Variants in OPCML observed in about 807,000 individuals in gnomAD.
OPCML encodes the protein opioid-binding protein/cell adhesion molecule.
In OPCML, 13 loss-of-function variants were observed where a neutral mutation model predicts 37.8. The ratio of observed to expected loss-of-function variants is 0.34; its 90% CI spans 0.22 to 0.55. The LOEUF is 0.55. Among genes scored for constraint, OPCML ranks in the 20% least tolerant of loss-of-function variants. The pLI is 0.91. For missense variants in OPCML, 341 were observed against 435.6 expected (o/e 0.78, Z 1.93); for synonymous variants, 176 against 168.8 (o/e 1.04, Z -0.33).
rs1214126772 is a variant in OPCML, at chr11:132,943,616, C to G, written c.62-606G>C. 2 of 154,326 alleles carry G rather than the reference C, an allele frequency of 1.3e-5. No homozygotes were observed. The highest frequency in any genetic ancestry group is 4.8e-5 in the African/African-American group (2 of 41,486). 9.6% of individuals were successfully genotyped at this position (154,326 alleles called of 1,614,324 possible). A position where few individuals can be genotyped will look rare whatever the true frequency, so the allele number is the denominator to read the frequency against. On this transcript the variant is annotated intron_variant, in intron 1 of 7. Transcript: ENST00000524381. This position sits in a 1 kb window ranked among gnomAD's most constrained non-coding sequence, Gnocchi z 4.3. ...CACACATGGACAGATGTACGTGTCC[C>G]CCAGCCCCAGGTCTCGCATCTGGAA...
At chr11:133,108,897 T>C (rs1477041165) in intron 1 of OPCML, among the ~76,000 whole-genome samples, 1 of 152,100 alleles carries the variant, frequency 6.6e-6, no homozygotes, top group East Asian at 1.9e-4. Flanking sequence ...TGAATACGTG[T>C]TTCCATATGC....
At chr11:132,506,913 A>G (rs2096258204) in intron 4 of OPCML, among the ~76,000 whole-genome samples, 1 of 152,086 alleles carries the variant, frequency 6.6e-6, no homozygotes, top group Non-Finnish European at 1.5e-5. Context: ...ATAATGAAAA[A>G]AAGGCTTCAG....
intron 2 of OPCML, among the ~76,000 whole-genome samples, chr11:132,901,356 T>C (rs944042050): frequency 6.6e-6 from 1 of 152,134 alleles, no homozygotes; most frequent in East Asian, 1.9e-4. Context: ...CAACACAGTG[T>C]CCTTTTAAAC....
chr11:133,135,445 T>G (rs1949674887), intron 1 of OPCML, among the ~76,000 whole-genome samples: 1 of 151,724 alleles, frequency 6.6e-6, no homozygotes, highest in East Asian at 1.9e-4. Context: ...CATAGGTTTT[T>G]TTTTTTTTTT....
intron 3 of OPCML, among the ~76,000 whole-genome samples, chr11:132,631,441 T>C (rs981845959): frequency 4.0e-5 from 6 of 149,034 alleles, no homozygotes; most frequent in African/African-American, 1.2e-4. Context: ...AATATATATA[T>C]ACATACATAT....
At position 133,371,235 on chromosome 11, in the gene OPCML, T is replaced by C. The variant is rs149440456; in HGVS notation, c.61+161029A>G. Reference sequence around the variant, plus strand: ...GGAATGCAAATTAGTACAACTTCTATGAAAAATAGTGTGGAGATTTCTTGA... The same window carrying C: ...GGAATGCAAATTAGTACAACTTCTACGAAAAATAGTGTGGAGATTTCTTGA... On this transcript the variant is annotated intron_variant, in intron 1 of 7. Coordinates refer to ENST00000524381, the MANE Select transcript of OPCML (RefSeq NM_001012393.5). Among the ~76,000 whole-genome samples the C allele has an allele frequency of 7.1e-3, 1,086 of 152,274 alleles. 13 individuals are homozygous for C. Among genetic ancestry groups the C allele is most frequent in the African/African-American group, 0.025 (1,041 of 41,558 alleles).
intron 3 of OPCML, among the ~76,000 whole-genome samples, chr11:132,608,803 G>A (rs564840697): frequency 3.3e-5 from 5 of 152,234 alleles, no homozygotes; most frequent in South Asian, 4.2e-4. Flanking sequence ...ATAAATGCAC[G>A]CAATTACTCC....
In OPCML at chr11:133,532,293, G is replaced by A. The variant is rs1322200538; in HGVS notation, c.32C>T (p.Ser11Leu). The change falls in exon 1 of 8, where the codon TCG (serine) becomes TTG (leucine). Residue 11 changes from serine to leucine, a missense_variant. Ser to Leu is a moderately radical substitution (Grantham distance 145, BLOSUM62 -2). Coordinates refer to ENST00000524381, the MANE Select transcript of OPCML (RefSeq NM_001012393.5). MYHPAYWVVF[S>L]ATTALLFIPG... is the part of the protein sequence containing the mutation. ...GATGAAGAGCAGGGCAGTTGTCGCC[G>A]AGAAGACGACCCAGTAGGCAGGATG... 1.9e-6 allele frequency: 3 copies of A among 1,613,850 alleles called. No individual in the cohort carries two copies. In the East Asian group the frequency reaches 6.7e-5, roughly 36 times the overall value.
chr11:132,734,981 A>C (rs1373667971), intron 2 of OPCML, among the ~76,000 whole-genome samples: 1 of 152,234 alleles, frequency 6.6e-6, no homozygotes, highest in Admixed American at 6.5e-5. Context: ...CCTGCAACAT[A>C]TAAAAGTACA....
At chr11:133,310,191 G>A (rs1483150716) in intron 1 of OPCML, among the ~76,000 whole-genome samples, 2 of 152,140 alleles carry the variant, frequency 1.3e-5, no homozygotes, top group African/African-American at 4.8e-5. Context: ...TGGAAAAGGG[G>A]TATGGCTTAC....
intron 2 of OPCML, among the ~76,000 whole-genome samples, chr11:132,885,129 G>T (rs918559633): frequency 4.6e-5 from 7 of 152,186 alleles, no homozygotes; most frequent in African/African-American, 1.7e-4. Flanking sequence ...CAAATGCCAG[G>T]TATCTTCATA....
chr11:132,564,989 A>G (rs984955353), intron 3 of OPCML, among the ~76,000 whole-genome samples: 3 of 152,070 alleles, frequency 2.0e-5, no homozygotes, highest in African/African-American at 7.2e-5. Context: ...GGCAAATCTC[A>G]CCTTGTTATG....
At chr11:133,477,255 G>C (rs760160458) in intron 1 of OPCML, among the ~76,000 whole-genome samples, 28 of 152,184 alleles carry the variant, frequency 1.8e-4, no homozygotes, top group Non-Finnish European at 3.8e-4. Flanking sequence ...AGATTTTAGA[G>C]GATGCAAAAT....
intron 2 of OPCML, among the ~76,000 whole-genome samples, chr11:132,930,225 G>A (rs905915027): frequency 2.0e-5 from 3 of 152,032 alleles, no homozygotes; most frequent in South Asian, 2.1e-4. Flanking sequence ...TTAGCCTGAC[G>A]TGGTGGCCTG....
At chr11:133,070,521 A>G (rs1037710751) in intron 1 of OPCML, among the ~76,000 whole-genome samples, 6 of 152,128 alleles carry the variant, frequency 3.9e-5, no homozygotes, top group South Asian at 2.1e-4. Flanking sequence ...TCTATTGCCT[A>G]TGGACGAAGG....
chr11:133,210,053 C>T (rs12271299), intron 1 of OPCML, among the ~76,000 whole-genome samples: 33,587 of 152,086 alleles, frequency 0.22, 4,652 homozygotes, highest in East Asian at 0.43. Context: ...CCTCTCCGTA[C>T]GTGCTACCGC....
At chr11:133,190,108 A>T (rs982604352) in intron 1 of OPCML, among the ~76,000 whole-genome samples, 3 of 152,246 alleles carry the variant, frequency 2.0e-5, no homozygotes, top group Admixed American at 6.5e-5. Context: ...GCACACACAA[A>T]TGTGCCTGAT....
intron 3 of OPCML, among the ~76,000 whole-genome samples, chr11:132,544,602 GA>G (rs1414988131): frequency 1.3e-5 from 2 of 152,172 alleles, no homozygotes; most frequent in African/African-American, 4.8e-5. Context: ...CACCAGCCCA[GA>G]AAATATTTCA....
At chr11:132,462,932 G>A (rs968289091) in intron 4 of OPCML, among the ~76,000 whole-genome samples, 5 of 152,128 alleles carry the variant, frequency 3.3e-5, no homozygotes, top group Admixed American at 2.0e-4. Flanking sequence ...GGGAAAGAGG[G>A]TCCAGAGTCC....
Sources: gnomAD v4.1 joint callset for allele counts (sites outside exome capture counted in the v4.1 genomes callset) on GRCh38, gnomAD v4.1.1 for gene constraint, Gnocchi (gnomAD v3.1) non-coding constraint, MANE v1.5 for transcripts, NCBI Gene and HGNC (gene_info 2026-07-23, HGNC 2026-07-21) for gene names.